ELMO1: variants seen among roughly 807,000 people sequenced by gnomAD.
ELMO1 encodes engulfment and cell motility 1.
Under a neutral mutation model 98.9 loss-of-function variants are expected in ELMO1, and 26 were observed. That is an observed-to-expected ratio of 0.26 (90% CI 0.19 to 0.36). The LOEUF is 0.36. Ranked by LOEUF, ELMO1 falls within the 10% of genes least tolerant of loss-of-function variation. The pLI, the probability that ELMO1 is intolerant of heterozygous loss-of-function variation, is 1.00. For synonymous variants in ELMO1, 346 were observed against 346.0 expected (o/e 1.00, Z 0.00); for missense variants, 627 against 935.2 (o/e 0.67, Z 4.30).
intron 6 of ELMO1, among the ~76,000 whole-genome samples, chr7:37,246,382 C>A (rs1377744387): frequency 6.6e-6 from 1 of 152,130 alleles, no homozygotes; most frequent in Non-Finnish European, 1.5e-5. Flanking sequence ...ACAAACTTTT[C>A]ATGAATTAGC....
chr7:37,195,965 T>A (rs1381860378), intron 13 of ELMO1, among the ~76,000 whole-genome samples: 1 of 152,166 alleles, frequency 6.6e-6, no homozygotes, highest in South Asian at 2.1e-4. Context: ...TCAGGCTCCA[T>A]CTATGAACAA....
chr7:37,051,986 G>T (rs1161159786), intron 15 of ELMO1, among the ~76,000 whole-genome samples: 1 of 152,132 alleles, frequency 6.6e-6, no homozygotes, highest in African/African-American at 2.4e-5. Context: ...AAACAGCAGA[G>T]GTTCTCAGAC....
chr7:37,172,306 A>G (rs1042926808), intron 13 of ELMO1, among the ~76,000 whole-genome samples: 4 of 80,286 alleles, frequency 5.0e-5, no homozygotes, highest in Non-Finnish European at 1.1e-4. Context: ...CTGTGCTTAC[A>G]TTAAAAAAAA....
At chr7:37,242,960 T>C (rs1045835932) in intron 7 of ELMO1, among the ~76,000 whole-genome samples, 7 of 152,228 alleles carry the variant, frequency 4.6e-5, no homozygotes, top group Admixed American at 2.6e-4. Flanking sequence ...TTAACTTCCC[T>C]CTACCTTCTG....
intron 13 of ELMO1, chr7:37,197,082 G>A (rs1446449845): frequency 1.3e-5 from 2 of 152,188 alleles, no homozygotes; most frequent in African/African-American, 2.4e-5. Flanking sequence ...AAAGCAAAGG[G>A]TTAATAAATA....
intron 16 of ELMO1, among the ~76,000 whole-genome samples, chr7:36,903,540 C>G (rs1783737669): frequency 1.3e-5 from 2 of 152,222 alleles, no homozygotes; most frequent in Non-Finnish European, 2.9e-5. Flanking sequence ...TCTCAACATT[C>G]ACTGTATAAT....
At chr7:37,269,652 G>C (rs962179196) in intron 5 of ELMO1, 6 of 152,100 alleles carry the variant, frequency 3.9e-5, no homozygotes, top group Non-Finnish European at 7.3e-5. Context: ...CACCGTGTTA[G>C]CCAGGATGGT....
intron 8 of ELMO1, among the ~76,000 whole-genome samples, chr7:37,227,005 T>G (rs762831364): frequency 1.5e-4 from 23 of 152,210 alleles, no homozygotes; most frequent in Non-Finnish European, 2.9e-4. Context: ...ATGCCACCAT[T>G]TGGATATTCC....
intron 12 of ELMO1, among the ~76,000 whole-genome samples, 174 bp from the exon 13 acceptor site, chr7:37,211,691 C>T (rs1378450108): frequency 2.0e-5 from 3 of 152,192 alleles, no homozygotes; most frequent in Admixed American, 2.0e-4. Context: ...GACCACTCTT[C>T]CCCCGTCAGT....
intron 1 of ELMO1, among the ~76,000 whole-genome samples, chr7:37,381,770 C>T (rs1345735586): frequency 6.6e-6 from 1 of 152,162 alleles, no homozygotes; most frequent in African/African-American, 2.4e-5. Context: ...CCAGGATTGA[C>T]CACTCCCACC....
intron 13 of ELMO1, among the ~76,000 whole-genome samples, chr7:37,168,295 T>C (rs918071736): frequency 2.6e-5 from 4 of 152,276 alleles, no homozygotes; most frequent in African/African-American, 9.6e-5. Flanking sequence ...TTTCCTCCTG[T>C]AGCTCATAGT....
chr7:37,301,804 G>T (rs1469903714), intron 4 of ELMO1, among the ~76,000 whole-genome samples: 1 of 152,002 alleles, frequency 6.6e-6, no homozygotes, highest in Non-Finnish European at 1.5e-5. Flanking sequence ...TGGTTTACAC[G>T]ATTATTGTTC....
intron 13 of ELMO1, among the ~76,000 whole-genome samples, chr7:37,195,352 C>T (rs967925007): frequency 5.9e-5 from 9 of 152,188 alleles, no homozygotes; most frequent in Admixed American, 1.3e-4. Context: ...GTTGGTTGCA[C>T]GAACAAATGA....
intron 13 of ELMO1, among the ~76,000 whole-genome samples, chr7:37,175,455 C>T (rs1015776568): frequency 1.3e-5 from 2 of 152,142 alleles, no homozygotes; most frequent in Non-Finnish European, 2.9e-5. Flanking sequence ...GCAGTTGAGA[C>T]GGGCGGCCCA....
intron 16 of ELMO1, among the ~76,000 whole-genome samples, chr7:36,925,772 C>T (rs1048765730): frequency 1.3e-5 from 2 of 152,218 alleles, no homozygotes; most frequent in Non-Finnish European, 2.9e-5. Flanking sequence ...TTACCTCTGA[C>T]AAATCACCTA....
At chr7:37,167,406 G>A (rs1357821467) in intron 13 of ELMO1, among the ~76,000 whole-genome samples, 7 of 151,906 alleles carry the variant, frequency 4.6e-5, no homozygotes, top group East Asian at 3.9e-4. Context: ...TATTTTGCTC[G>A]TTAGTTGATG....
chr7:37,376,034 G>A (rs1802327124), intron 1 of ELMO1: 2 of 429,566 alleles, frequency 4.7e-6, no homozygotes, highest in Non-Finnish European at 8.6e-6. Context: ...AACTGGAGAG[G>A]ATTATTTCAC....
chr7:37,417,101 C>T (rs1055404938), intron 1 of ELMO1, among the ~76,000 whole-genome samples: 21 of 152,198 alleles, frequency 1.4e-4, no homozygotes, highest in African/African-American at 4.6e-4. Context: ...CACCGTTTTA[C>T]AGCCAAGGAA....
chr7:36,986,372 G>A, intron 16 of ELMO1: 4 of 542,812 alleles, frequency 7.4e-6, no homozygotes, highest in Non-Finnish European at 4.7e-6. Flanking sequence ...ATGCTCTTTT[G>A]TCAATAAACC....
Sources: gnomAD v4.1 joint callset for allele counts (sites outside exome capture counted in the v4.1 genomes callset) on GRCh38, gnomAD v4.1.1 for gene constraint, MANE v1.5 for transcripts, NCBI Gene and HGNC (gene_info 2026-07-23, HGNC 2026-07-21) for gene names.